Variants in TET2 observed in about 807,000 individuals in gnomAD.
TET2 encodes methylcytosine dioxygenase TET2.
Under a neutral mutation model 142.9 loss-of-function variants are expected in TET2, and 299 were observed. That is an observed-to-expected ratio of 2.09 (90% CI 1.90 to 2.30). The LOEUF (loss-of-function observed/expected upper bound fraction) is 2.30. Ranked by LOEUF, TET2 falls within the 30% of genes most tolerant of loss-of-function variation. TET2 has a pLI of 0.00. For missense variants in TET2, 2,418 were observed against 2,378.0 expected (o/e 1.02, Z -0.35); for synonymous variants, 819 against 849.0 (o/e 0.96, Z 0.61).
In TET2 at chr4:105,233,899, T is replaced by G; in HGVS notation, c.-44T>G. 1 of 1,537,864 alleles carries G rather than the reference T, an allele frequency of 6.5e-7. No individual in the cohort carries two copies. Among genetic ancestry groups the G allele is most frequent in the Non-Finnish European group, 8.8e-7 (1 of 1,138,150 alleles). ...ATTTTTGTTTCCATGCTCTTTAGAATTCAACTAGAGGGCAGCCTTGTGGAT... is the reference window on the plus strand; with the variant it reads ...ATTTTTGTTTCCATGCTCTTTAGAAGTCAACTAGAGGGCAGCCTTGTGGAT... On this transcript the variant is annotated splice_region_variant and 5_prime_UTR_variant, in exon 3 of 11. Coordinates refer to ENST00000380013, the MANE Select transcript of TET2 (RefSeq NM_001127208.3).
rs1485817170 is a variant in TET2, at chr4:105,240,629, A to C, written c.3410-710A>C. The C allele has an allele frequency of 2.8e-6, 3 of 1,079,846 alleles. No homozygotes were observed. The African/African-American group carries it at 4.9e-5, about 18-fold the overall frequency. The allele number at this position is 1,079,846 out of a possible 1,614,324, so 66.9% of individuals were successfully genotyped here. A position where few individuals can be genotyped will look rare whatever the true frequency, so the allele number is the denominator to read the frequency against. On this transcript the variant is annotated intron_variant, in intron 3 of 10. Coordinates refer to ENST00000380013, the MANE Select transcript of TET2 (RefSeq NM_001127208.3). ...TATTAAGTTGCCTCACTGGGCTAAA[A>C]CACCACACATCTCATAGATAATATT...
At chr4:105,196,497 T>A (rs1363319190) in intron 2 of TET2, among the ~76,000 whole-genome samples, 2 of 152,182 alleles carry the variant, frequency 1.3e-5, no homozygotes, top group African/African-American at 4.8e-5. Flanking sequence ...AGAAAGTAGA[T>A]CAAACTCTAT....
In TET2 at chr4:105,275,838, T is replaced by TC; in HGVS notation, c.5329dup (p.Leu1777ProfsTer12). ...CAGCTCCGGGCATGTTCAACAGCTCTCTTCATGCCCTGCATCTCCAAAACA... is the reference window on the plus strand; with the variant it reads ...CAGCTCCGGGCATGTTCAACAGCTCTCCTTCATGCCCTGCATCTCCAAAACA... On this transcript the variant is annotated frameshift_variant, in exon 11 of 11. Transcript: ENST00000380013. LOFTEE classifies it low-confidence loss of function (END_TRUNC). The TC allele has an allele frequency of 6.4e-7, 1 of 1,551,878 alleles. No individual in the cohort carries two copies. Among genetic ancestry groups the TC allele is most frequent in the Non-Finnish European group, 8.7e-7 (1 of 1,147,004 alleles).
In TET2 at chr4:105,236,123, A is replaced by G. The variant is rs776077460; in HGVS notation, c.2181A>G (p.Ala727=). The G allele has an allele frequency of 6.8e-6, 11 of 1,614,198 alleles. No homozygotes were observed. The highest frequency in any genetic ancestry group is 9.3e-6 in the Non-Finnish European group (11 of 1,180,018). ...HLLQHKPHKQ[A]AQTQPSQSSH... The stretch of plus-strand genomic sequence containing the variant: ...TGCAACATAAGCCTCATAAACAGGC[A>G]GCACAAACACAACCATCCCAGAGTT... The change falls in exon 3 of 11, where the codon GCA becomes GCG. Residue 727 remains alanine (A), a synonymous_variant. Transcript: ENST00000380013.
In TET2 at chr4:105,276,279, A is replaced by G; in HGVS notation, c.5769A>G (p.Glu1923=). The part of the protein sequence containing the change: ...GLALWEAKMA[E]KAREKEEECE... Reference sequence around the variant, plus strand: ...CTCTTTGGGAAGCCAAAATGGCTGAAAAAGCCCGTGAGAAAGAGGAAGAGT... The same window carrying G: ...CTCTTTGGGAAGCCAAAATGGCTGAGAAAGCCCGTGAGAAAGAGGAAGAGT... Residue 1923 remains glutamate (E), a synonymous_variant, in exon 11 of 11, where the codon GAA becomes GAG. Coordinates refer to ENST00000380013, the MANE Select transcript of TET2 (RefSeq NM_001127208.3). 1 of 1,551,676 alleles carries G rather than the reference A, an allele frequency of 6.4e-7. No individual in the cohort carries two copies. The highest frequency in any genetic ancestry group is 1.2e-5 in the South Asian group (1 of 84,060).
chr4:105,207,819 C>T (rs1726918918), intron 2 of TET2, among the ~76,000 whole-genome samples: 1 of 152,082 alleles, frequency 6.6e-6, no homozygotes, highest in South Asian at 2.1e-4. Flanking sequence ...AGAATCAATA[C>T]TTGGTGATTG....
intron 6 of TET2, among the ~76,000 whole-genome samples, chr4:105,258,597 T>TTAAC (rs1730260094): frequency 6.6e-6 from 1 of 152,166 alleles, no homozygotes; most frequent in African/African-American, 2.4e-5. Context: ...AAATCTGAGA[T>TTAAC]TAACTCAAAT....
intron 1 of TET2, among the ~76,000 whole-genome samples, chr4:105,180,045 A>G (rs1725025688): frequency 6.6e-6 from 1 of 152,206 alleles, no homozygotes; most frequent in South Asian, 2.1e-4. Flanking sequence ...AGGTTACAGT[A>G]GTTATGCCTT....
At chr4:105,221,934 A>G (rs1192322338) in intron 2 of TET2, among the ~76,000 whole-genome samples, 1 of 144,194 alleles carries the variant, frequency 6.9e-6, no homozygotes, top group Non-Finnish European at 1.5e-5. Context: ...CTCATTGTTC[A>G]ATTCCCACCT....
At chr4:105,216,924 T>TTC (rs1374708492) in intron 2 of TET2, among the ~76,000 whole-genome samples, 1 of 152,084 alleles carries the variant, frequency 6.6e-6, no homozygotes, top group East Asian at 1.9e-4. Flanking sequence ...ATATGGAAAT[T>TTC]TCTTTGCAGG....
chr4:105,261,590 T>C (rs563392960), intron 7 of TET2, among the ~76,000 whole-genome samples, 169 bp from the exon 8 acceptor site: 1 of 152,252 alleles, frequency 6.6e-6, no homozygotes, highest in East Asian at 1.9e-4. Flanking sequence ...TACTAGCACA[T>C]ATGAAATTAA....
chr4:105,274,909 T>G, intron 10 of TET2, 139 bp from the exon 11 acceptor site: 1 of 1,137,442 alleles, frequency 8.8e-7, no homozygotes, highest in South Asian at 2.2e-5. Context: ...ACCCTGACTT[T>G]GCTCTTATCT....
rs1731018804 is a variant in TET2, at chr4:105,272,615, G to A, written c.4234G>A (p.Asp1412Asn). The A allele has an allele frequency of 5.8e-6, 9 of 1,550,324 alleles. No homozygotes were observed. The highest frequency in any genetic ancestry group is 7.0e-6 in the Non-Finnish European group (8 of 1,146,620). The change falls in exon 10 of 11, where the codon GAT becomes AAT. Residue 1412 changes from aspartate to asparagine, a missense_variant. Asp to Asn is a conservative substitution (Grantham distance 23). Transcript: ENST00000380013. ...DNREFGGKPE[D>N]EQLHVLPLYK... ...TCGAGAATTTGGAGGAAAACCTGAG[G>A]ATGAGCAGCTTCACGTTCTGCCTTT... is the stretch of plus-strand genomic sequence containing the variant.
chr4:105,259,577 A>G (rs1445105045), intron 6 of TET2, 42 bp from the exon 7 acceptor site: 1 of 1,542,582 alleles, frequency 6.5e-7, no homozygotes, highest in Non-Finnish European at 8.8e-7. Context: ...CAGCCTATAT[A>G]ATGCTATCCA....
At chr4:105,244,586 G>GTTTTTTTTT (rs566674796) in intron 6 of TET2, among the ~76,000 whole-genome samples, 6 of 66,734 alleles carry the variant, frequency 9.0e-5, no homozygotes, top group Admixed American at 2.1e-4. Flanking sequence ...ACACAGAAAT[G>GTTTTTTTTT]TTTTTTTTTT....
Position 105,215,352 on chromosome 4 carries a change from A to G in TET2, c.-46-18545A>G, listed in dbSNP as rs535062561. On this transcript the variant is annotated intron_variant, in intron 2 of 10. Coordinates refer to ENST00000380013, the MANE Select transcript of TET2 (RefSeq NM_001127208.3). ...TGTCTCTCTGTAATAACATCTTACA[A>G]TCACTTGTCAGACCATGAAATAATG... Among the ~76,000 whole-genome samples, 4 of 152,288 alleles carry G rather than the reference A, an allele frequency of 2.6e-5. No homozygotes were observed. In the South Asian group the frequency reaches 6.2e-4, roughly 24 times the overall value.
At chr4:105,233,009 A>G (rs1356556078) in intron 2 of TET2, among the ~76,000 whole-genome samples, 3 of 152,134 alleles carry the variant, frequency 2.0e-5, no homozygotes, top group Non-Finnish European at 4.4e-5. Flanking sequence ...GCATTTTACA[A>G]TCTTCCTTTT....
Position 105,237,303 on chromosome 4 carries a change from GA to G in TET2, c.3362del (p.Asp1121ValfsTer16). ...LLDTPIKNLL[D>X]TPVKTQYDFP... is the part of the protein sequence containing the mutation. The stretch of plus-strand genomic sequence containing the variant: ...AGATACTCCTATAAAAAATTTATTG[GA>G]TACACCTGTCAAGACTCAATATGAT... On this transcript the variant is annotated frameshift_variant, in exon 3 of 11. Coordinates refer to ENST00000380013, the MANE Select transcript of TET2 (RefSeq NM_001127208.3). LOFTEE classifies it high-confidence loss of function. 6.2e-7 allele frequency: 1 copy of G among 1,614,010 alleles called. No individual in the cohort carries two copies. The highest frequency in any genetic ancestry group is 8.5e-7 in the Non-Finnish European group (1 of 1,179,952).
At position 105,272,790 on chromosome 4, in the gene TET2, A is replaced by T. The variant is rs2110306932; in HGVS notation, c.4409A>T (p.Glu1470Val). The T allele has an allele frequency of 1.3e-6, 2 of 1,551,674 alleles. No homozygotes were observed. The highest frequency in any genetic ancestry group is 1.7e-6 in the Non-Finnish European group (2 of 1,146,970). The change falls in exon 10 of 11, where the codon GAA (glutamate) becomes GTA (valine). Residue 1470 changes from glutamate (E) to valine (V), a missense_variant. Coordinates refer to ENST00000380013, the MANE Select transcript of TET2 (RefSeq NM_001127208.3). ...PVKTCRQRKL[E>V]AKKAAAEKLS... ...AAGACTTGCCGACAAAGGAAACTAG[A>T]AGCCAAGAAAGCTGCAGCTGAAAAG...
Sources: allele counts gnomAD v4.1 joint callset (sites outside exome capture counted in the v4.1 genomes callset), GRCh38; gene constraint gnomAD v4.1.1; transcripts MANE v1.5; gene names NCBI Gene and HGNC (gene_info 2026-07-23, HGNC 2026-07-21).